CDC123: variants seen among roughly 807,000 people sequenced by gnomAD.
The protein encoded by CDC123 is translation initiation factor eIF2 assembly protein.
A neutral mutation model predicts 54.4 loss-of-function variants in CDC123; 37 were observed. The observed-to-expected ratio is 0.68, with a 90% CI of 0.52 to 0.89. CDC123 has a LOEUF of 0.89. CDC123 is among the 40% of genes least tolerant of loss of function. The pLI, the probability that CDC123 is intolerant of heterozygous loss-of-function variation, is 0.00. For synonymous variants in CDC123, 144 were observed against 136.8 expected, an observed-to-expected ratio of 1.05 and a Z score of -0.37; for missense variants, 361 against 412.1, an observed-to-expected ratio of 0.88 and a Z score of 1.07.
At chr10:12,234,018 A>G (rs768977950) in intron 7 of CDC123, among the ~76,000 whole-genome samples, 15 of 152,162 alleles carry the variant, frequency 9.9e-5, no homozygotes, top group Non-Finnish European at 1.6e-4. Context: ...AATAATAATT[A>G]TATCAAAGTA....
In CDC123 at chr10:12,238,563, G is replaced by A. The variant is rs373772154; in HGVS notation, c.717+78G>A. 5.4e-5 allele frequency: 83 copies of A among 1,530,018 alleles called. No homozygotes were observed. The East Asian group carries it at 7.4e-4, about 14-fold the overall frequency. The allele number at this position is 1,530,018 out of a possible 1,614,324, so 94.8% of individuals were successfully genotyped here. A position where few individuals can be genotyped will look rare whatever the true frequency, so the allele number is the denominator to read the frequency against. On this transcript the variant is annotated intron_variant, in intron 10 of 12. Transcript: ENST00000281141. ...CAGGCAGAGCATGCCTTTGTTATGT[G>A]TGTGAAGGATCCATGCTCAAAAAAT...
intron 6 of CDC123, among the ~76,000 whole-genome samples, chr10:12,228,978 G>A (rs1835863864): frequency 6.6e-6 from 1 of 152,202 alleles, no homozygotes; most frequent in Non-Finnish European, 1.5e-5. Context: ...GCCTCCCAGA[G>A]TGCTGGGAGT....
chr10:12,222,928 G>A (rs1481512671), intron 6 of CDC123, among the ~76,000 whole-genome samples: 1 of 150,002 alleles, frequency 6.7e-6, no homozygotes, highest in Non-Finnish European at 1.5e-5. Flanking sequence ...GTCTCGCTCT[G>A]TTGCCCAGGC....
chr10:12,199,568 G>A (rs979027781), intron 2 of CDC123, among the ~76,000 whole-genome samples: 1 of 152,152 alleles, frequency 6.6e-6, no homozygotes, highest in Non-Finnish European at 1.5e-5. Context: ...ATAAACATTT[G>A]TTGGATGAAG....
At chr10:12,209,217 T>C (rs1050712995) in intron 2 of CDC123, among the ~76,000 whole-genome samples, 3 of 152,188 alleles carry the variant, frequency 2.0e-5, no homozygotes, top group African/African-American at 7.2e-5. Flanking sequence ...CATCTCTTCA[T>C]GCAACTGTAC....
intron 2 of CDC123, among the ~76,000 whole-genome samples, chr10:12,206,686 C>T (rs1016435036): frequency 1.3e-5 from 2 of 152,102 alleles, no homozygotes; most frequent in Admixed American, 6.6e-5. Flanking sequence ...AGGTCAGATG[C>T]GGTGGCTTAT....
intron 10 of CDC123, among the ~76,000 whole-genome samples, chr10:12,244,505 C>T (rs1836102528): frequency 6.6e-6 from 1 of 152,214 alleles, no homozygotes; most frequent in Non-Finnish European, 1.5e-5. Context: ...TCAGAGGCCC[C>T]AGCCCTACCT....
At chr10:12,219,349 GTGTC>G (rs1835703852) in intron 6 of CDC123, among the ~76,000 whole-genome samples, 2 of 152,128 alleles carry the variant, frequency 1.3e-5, no homozygotes, top group Non-Finnish European at 2.9e-5. Context: ...TGTGTGGTGT[GTGTC>G]TGTGTGTCTG....
At chr10:12,206,802 CA>C (rs1159751004) in intron 2 of CDC123, among the ~76,000 whole-genome samples, 5 of 151,660 alleles carry the variant, frequency 3.3e-5, no homozygotes, top group Non-Finnish European at 7.4e-5. Flanking sequence ...ACTAAAAATG[CA>C]AAAAAATTAG....
Position 12,217,480 on chromosome 10 carries a change from T to TA in CDC123, c.440+14dup. On this transcript the variant is annotated intron_variant, in intron 6 of 12. Coordinates refer to ENST00000281141, the MANE Select transcript of CDC123 (RefSeq NM_006023.3). ...ACTTCACTCAGCCGTAAGTATCTCT[T>TA]ATTCTCTCATGTCAATAGTTTCAGT... 6.2e-7 allele frequency: 1 copy of TA among 1,611,052 alleles called. No homozygotes were observed. Among genetic ancestry groups the TA allele is most frequent in the Non-Finnish European group, 8.5e-7 (1 of 1,178,360 alleles).
At chr10:12,218,769 G>A (rs1835694377) in intron 6 of CDC123, among the ~76,000 whole-genome samples, 1 of 152,150 alleles carries the variant, frequency 6.6e-6, no homozygotes, top group Admixed American at 6.5e-5. Flanking sequence ...TGGAATTGCT[G>A]TATTTCTTTC....
In CDC123 at chr10:12,217,447, C is replaced by T; in HGVS notation, c.420C>T (p.Ile140=). Residue 140 remains isoleucine, a synonymous_variant, in exon 6 of 13, where the codon ATC becomes ATT. Coordinates refer to ENST00000281141, the MANE Select transcript of CDC123 (RefSeq NM_006023.3). ...TGCTTTTCAAGAGTTCCGATTTCATCACTCGTGACTTCACTCAGCCGTAAG... is the reference window on the plus strand; with the variant it reads ...TGCTTTTCAAGAGTTCCGATTTCATTACTCGTGACTTCACTCAGCCGTAAG... The part of the protein sequence containing the change: ...IFLLFKSSDF[I]TRDFTQPFIH... 1 of 1,613,960 alleles carries T rather than the reference C, an allele frequency of 6.2e-7. No homozygotes were observed. Among genetic ancestry groups the T allele is most frequent in the Non-Finnish European group, 8.5e-7 (1 of 1,179,940 alleles).
At chr10:12,196,930 A>G (rs1171310897) in intron 1 of CDC123, among the ~76,000 whole-genome samples, 1 of 152,190 alleles carries the variant, frequency 6.6e-6, no homozygotes, top group Non-Finnish European at 1.5e-5. Flanking sequence ...TTCATCTCTC[A>G]GTTTTTTTAA....
In CDC123 at chr10:12,250,387, AGCT is replaced by A; in HGVS notation, c.*54_*56del. 6.8e-7 allele frequency: 1 copy of A among 1,472,392 alleles called. No homozygotes were observed. The highest frequency in any genetic ancestry group is 9.5e-7 in the Non-Finnish European group (1 of 1,051,354). 91.2% of individuals were successfully genotyped at this position (1,472,392 alleles called of 1,614,324 possible). A position where few individuals can be genotyped will look rare whatever the true frequency, so the allele number is the denominator to read the frequency against. On this transcript the variant is annotated 3_prime_UTR_variant, in exon 13 of 13. Transcript: ENST00000281141. The stretch of plus-strand genomic sequence containing the variant: ...GGAGGCCCCGCCCCACCGCTCCGGG[AGCT>A]GCTCATCAGCCGCAACTTCCTGCCG...
chr10:12,227,208 A>G (rs930261150), intron 6 of CDC123, among the ~76,000 whole-genome samples: 49 of 149,398 alleles, frequency 3.3e-4, no homozygotes, highest in African/African-American at 1.1e-3. Context: ...TGGCGGCACT[A>G]CAGTCCAGCC....
chr10:12,196,386 C>T (rs1053417361), intron 1 of CDC123, 67 bp downstream of exon 1: 8 of 1,605,702 alleles, frequency 5.0e-6, no homozygotes, highest in Non-Finnish European at 6.8e-6. Flanking sequence ...GCGAATCTTA[C>T]TGCTATCCAA....
At chr10:12,220,850 G>A (rs533801305) in intron 6 of CDC123, among the ~76,000 whole-genome samples, 9 of 152,118 alleles carry the variant, frequency 5.9e-5, no homozygotes, top group Admixed American at 2.0e-4. Context: ...GGTGGCGGGC[G>A]CCTGCAGTCC....
intron 2 of CDC123, among the ~76,000 whole-genome samples, chr10:12,205,886 C>T (rs1371958432): frequency 1.3e-5 from 2 of 152,022 alleles, no homozygotes; most frequent in Non-Finnish European, 2.9e-5. Flanking sequence ...GCAACCTCTG[C>T]CTACCGGGTT....
intron 6 of CDC123, among the ~76,000 whole-genome samples, chr10:12,218,502 G>C (rs555627109): frequency 2.8e-4 from 43 of 152,198 alleles, no homozygotes; most frequent in African/African-American, 1.0e-3. Flanking sequence ...GCCTCCCAAC[G>C]TGTTAGGCTT....
Sources: allele counts gnomAD v4.1 joint callset (sites outside exome capture counted in the v4.1 genomes callset), GRCh38; gene constraint gnomAD v4.1.1; transcripts MANE v1.5; gene names NCBI Gene and HGNC (gene_info 2026-07-23, HGNC 2026-07-21).